The following ACSL3 variants were observed in gnomAD, a reference collection of about 807,000 sequenced individuals.
ACSL3 encodes fatty acid CoA ligase Acsl3.
Under a neutral mutation model 84.7 loss-of-function variants are expected in ACSL3, and 34 were observed. The ratio of observed to expected loss-of-function variants is 0.40; its 90% CI spans 0.31 to 0.53. ACSL3 has a LOEUF of 0.53. ACSL3 is among the 20% of genes least tolerant of loss of function. The pLI, the probability that ACSL3 is intolerant of heterozygous loss-of-function variation, is 0.48. For missense variants in ACSL3, 680 were observed against 873.1 expected (o/e 0.78, Z 2.79); for synonymous variants, 315 against 299.4 (o/e 1.05, Z -0.54).
intron 1 of ACSL3, among the ~76,000 whole-genome samples, chr2:222,878,766 C>A (rs991220493): frequency 2.0e-5 from 3 of 152,050 alleles, no homozygotes; most frequent in Non-Finnish European, 4.4e-5. Context: ...TTCTTGTATT[C>A]CTCGTTACAC....
rs1696025062 is a variant in ACSL3, at chr2:222,897,739, G to A, written c.-147-2935G>A. Among the ~76,000 whole-genome samples the A allele has an allele frequency of 4.9e-5, 2 of 40,966 alleles. 1 individual carries two copies. The highest frequency in any genetic ancestry group is 5.2e-4 in the Admixed American group (2 of 3,820). The allele number at this position is 40,966 out of a possible 152,430, so 26.9% of individuals were successfully genotyped here. On this transcript the variant is annotated intron_variant, in intron 2 of 16. Coordinates refer to ENST00000357430, the MANE Select transcript of ACSL3 (RefSeq NM_004457.5). Reference sequence around the variant, plus strand: ...GCTGGAGACCGGCCCGGCCAACACAGCAAAACCCCGTCTCCACCAAAAAAA... The same window carrying A: ...GCTGGAGACCGGCCCGGCCAACACAACAAAACCCCGTCTCCACCAAAAAAA...
At chr2:222,894,415 C>T (rs563394425) in intron 2 of ACSL3, among the ~76,000 whole-genome samples, 2 of 152,326 alleles carry the variant, frequency 1.3e-5, no homozygotes, top group South Asian at 4.1e-4. Flanking sequence ...TGACCATTGG[C>T]ATAGAACATT....
chr2:222,861,523 CGAA>C (rs1695006946), intron 1 of ACSL3: 2 of 152,158 alleles, frequency 1.3e-5, no homozygotes, highest in Admixed American at 1.3e-4. Flanking sequence ...AGCTGCAGCG[CGAA>C]CGGCGTGGGG....
intron 3 of ACSL3, among the ~76,000 whole-genome samples, chr2:222,903,635 A>G (rs545206486): frequency 2.0e-5 from 3 of 152,244 alleles, no homozygotes; most frequent in African/African-American, 7.2e-5. Flanking sequence ...TCCAGAATTT[A>G]TAAAATTTTT....
At chr2:222,916,231 G>T in intron 4 of ACSL3, 88 bp from the exon 5 acceptor site, 12 of 833,238 alleles carry the variant, frequency 1.4e-5, no homozygotes, top group South Asian at 4.3e-5. Flanking sequence ...TAACTTTCTG[G>T]TTCATCATAA....
chr2:222,930,500 C>T, intron 13 of ACSL3, 121 bp from the exon 14 acceptor site: 5 of 784,414 alleles, frequency 6.4e-6, no homozygotes, highest in South Asian at 2.9e-5. Context: ...ATAGTGTCTG[C>T]CTTTTTTCCT....
chr2:222,873,717 GA>G (rs1274439484), intron 1 of ACSL3, among the ~76,000 whole-genome samples: 1 of 152,064 alleles, frequency 6.6e-6, no homozygotes, highest in Non-Finnish European at 1.5e-5. Flanking sequence ...GAATGTTTTT[GA>G]AAATATTTTT....
chr2:222,871,755 G>A (rs940453992), intron 1 of ACSL3, among the ~76,000 whole-genome samples: 2 of 152,204 alleles, frequency 1.3e-5, no homozygotes, highest in Admixed American at 6.5e-5. Context: ...TGGTGGCCAA[G>A]ATGGAGTGGG....
rs1182458463 is a variant in ACSL3 at position 222,908,873 on chromosome 2, C to G, written c.101C>G (p.Thr34Ser). The change falls in exon 4 of 17, where the codon ACT becomes AGT. Residue 34 changes from threonine to serine, a missense_variant. Around this residue, in one of 2 missense-constraint regions of ACSL3, gnomAD observed 333 missense variants for 347.5 expected, o/e 0.96. Transcript: ENST00000357430. ...ATACATTTTCTAATATCACTTTATA[C>G]TATTTTAACATACATTCCGTTTTAT... ...YFIHFLISLY[T>S]ILTYIPFYFF... The G allele has an allele frequency of 1.2e-6, 2 of 1,608,604 alleles. No individual in the cohort carries two copies. Among genetic ancestry groups the G allele is most frequent in the Non-Finnish European group, 1.7e-6 (2 of 1,176,304 alleles).
At chr2:222,868,214 C>A (rs1287453891) in intron 1 of ACSL3, among the ~76,000 whole-genome samples, 1 of 151,876 alleles carries the variant, frequency 6.6e-6, no homozygotes, top group Non-Finnish European at 1.5e-5. Context: ...TTTTTCATTG[C>A]AGTTTGGTGG....
intron 1 of ACSL3, among the ~76,000 whole-genome samples, chr2:222,863,331 C>T (rs1174510034): frequency 6.6e-6 from 1 of 152,160 alleles, no homozygotes; most frequent in Non-Finnish European, 1.5e-5. Context: ...GTCTTGAAAT[C>T]TGAGCCTGCA....
At chr2:222,876,365 A>T (rs1024441195) in intron 1 of ACSL3, among the ~76,000 whole-genome samples, 2 of 151,940 alleles carry the variant, frequency 1.3e-5, no homozygotes, top group African/African-American at 4.8e-5. Flanking sequence ...TCTCAGTCCT[A>T]GGCTGAAGTG....
At chr2:222,915,011 A>G (rs1284414615) in intron 4 of ACSL3, among the ~76,000 whole-genome samples, 3 of 152,264 alleles carry the variant, frequency 2.0e-5, no homozygotes, top group Non-Finnish European at 4.4e-5. Context: ...TATATCAAAC[A>G]CCTTTTCAGA....
At chr2:222,923,922 A>T (rs1696805963) in intron 10 of ACSL3, among the ~76,000 whole-genome samples, 1 of 152,220 alleles carries the variant, frequency 6.6e-6, no homozygotes, top group Non-Finnish European at 1.5e-5. Flanking sequence ...ACAGTAATGG[A>T]CCTAGCAAGC....
At chr2:222,928,827 G>A (rs377459904) in intron 12 of ACSL3, 35 bp from the exon 13 acceptor site, 121 of 1,553,050 alleles carry the variant, frequency 7.8e-5, no homozygotes, top group South Asian at 1.8e-4. Flanking sequence ...ATTAGCTACT[G>A]TTCTCAAATA....
chr2:222,894,899 GT>G (rs1054908365), intron 2 of ACSL3, among the ~76,000 whole-genome samples: 3 of 151,902 alleles, frequency 2.0e-5, no homozygotes, highest in Non-Finnish European at 4.4e-5. Flanking sequence ...TCTATTTTTG[GT>G]TTTTTGCCAC....
intron 1 of ACSL3, among the ~76,000 whole-genome samples, chr2:222,876,713 G>A (rs1190596940): frequency 3.3e-5 from 5 of 151,438 alleles, no homozygotes; most frequent in African/African-American, 9.7e-5. Flanking sequence ...ATTCATACCC[G>A]CTATGTATCA....
chr2:222,907,285 GAGAA>G (rs1413083059), intron 3 of ACSL3, among the ~76,000 whole-genome samples: 5 of 152,194 alleles, frequency 3.3e-5, no homozygotes, highest in Admixed American at 2.6e-4. Context: ...CTGGATGAAA[GAGAA>G]AGGATTCTTC....
At chr2:222,906,313 T>G (rs1696293890) in intron 3 of ACSL3, among the ~76,000 whole-genome samples, 1 of 152,234 alleles carries the variant, frequency 6.6e-6, no homozygotes, top group South Asian at 2.1e-4. Flanking sequence ...AGGGCTTTCT[T>G]TAACTCTCAG....
Sources: allele counts gnomAD v4.1 joint callset (sites outside exome capture counted in the v4.1 genomes callset), GRCh38; gene constraint gnomAD v4.1.1; regional missense constraint gnomAD v4.1.1; transcripts MANE v1.5; gene names NCBI Gene and HGNC (gene_info 2026-07-23, HGNC 2026-07-21).